UBE2L3: variants seen among roughly 807,000 people sequenced by gnomAD.
The protein encoded by UBE2L3 is ubiquitin-conjugating enzyme E2 L3.
UBE2L3 carries 1 observed loss-of-function variant against 17.8 expected under a neutral mutation model. The ratio of observed to expected loss-of-function variants is 0.06; its 90% CI spans 0.02 to 0.27. UBE2L3 has a LOEUF of 0.27. Among genes scored for constraint, UBE2L3 ranks in the 10% least tolerant of loss-of-function variants. The pLI is 1.00. For synonymous variants in UBE2L3, 44 were observed against 68.5 expected, an observed-to-expected ratio of 0.64 and a Z score of 1.76; for missense variants, 40 against 192.6, an observed-to-expected ratio of 0.21 and a Z score of 4.69.
chr22:21,563,700 C>T (rs910602646), upstream of UBE2L3, among the ~76,000 whole-genome samples: 13 of 151,144 alleles, frequency 8.6e-5, no homozygotes, highest in African/African-American at 2.9e-4. Context: ...CCTCAGCCTC[C>T]CAAGTAGCTG....
intron 3 of UBE2L3, 29 bp from the exon 4 acceptor site, chr22:21,621,486 C>T: frequency 6.3e-7 from 1 of 1,575,294 alleles, no homozygotes. Flanking sequence ...ACTGTGTTAA[C>T]CCCCCATGCC....
intron 1 of UBE2L3, among the ~76,000 whole-genome samples, chr22:21,555,981 AC>A (rs1459663396): frequency 2.6e-5 from 4 of 152,216 alleles, no homozygotes; most frequent in Non-Finnish European, 5.9e-5. Flanking sequence ...AAGCCTGTAT[AC>A]CCAGCCCTTT....
chr22:21,620,414 G>C (rs5754387), intron 3 of UBE2L3, among the ~76,000 whole-genome samples: 34,142 of 152,018 alleles, frequency 0.22, 4,766 homozygotes, highest in East Asian at 0.59. Flanking sequence ...CTGAGTGACA[G>C]CAAGACTGTC....
chr22:21,591,977 G>A (rs1198700279), intron 1 of UBE2L3, among the ~76,000 whole-genome samples: 3 of 152,176 alleles, frequency 2.0e-5, no homozygotes, highest in Non-Finnish European at 4.4e-5. Flanking sequence ...TATAGCGCCT[G>A]CCAGGCATTC....
intron 1 of UBE2L3, among the ~76,000 whole-genome samples, chr22:21,556,620 T>C (rs1926236496): frequency 7.1e-6 from 1 of 141,472 alleles, no homozygotes; most frequent in Non-Finnish European, 1.5e-5. Context: ...TTTTCTTTTT[T>C]TTTTTTGTAT....
intron 2 of UBE2L3, among the ~76,000 whole-genome samples, chr22:21,607,481 C>T (rs1929238376): frequency 6.8e-6 from 1 of 147,536 alleles, no homozygotes; most frequent in Non-Finnish European, 1.5e-5. Flanking sequence ...CGCCACTGCA[C>T]TCCAGCCTGG....
intron 2 of UBE2L3, among the ~76,000 whole-genome samples, chr22:21,606,291 T>TGCGC (rs755954743): frequency 4.3e-5 from 6 of 138,520 alleles, no homozygotes; most frequent in Admixed American, 1.5e-4. Context: ...TGCAGGAAAG[T>TGCGC]GTGCGCGCGC....
intron 2 of UBE2L3, among the ~76,000 whole-genome samples, chr22:21,598,390 A>AT (rs1269275146): frequency 5.4e-5 from 8 of 148,192 alleles, no homozygotes; most frequent in Admixed American, 1.3e-4. Context: ...TTGGTATGTC[A>AT]TTTTTTTTTC....
upstream of UBE2L3, among the ~76,000 whole-genome samples, chr22:21,562,748 A>C (rs1347563156): frequency 1.6e-5 from 2 of 124,108 alleles, no homozygotes; most frequent in East Asian, 2.4e-4. Flanking sequence ...CTCGTGATCC[A>C]CCTGCCTCGG....
chr22:21,601,523 C>T (rs1423367565), intron 2 of UBE2L3, among the ~76,000 whole-genome samples: 2 of 151,642 alleles, frequency 1.3e-5, no homozygotes, highest in Admixed American at 6.6e-5. Context: ...CCATGTTGGT[C>T]AGGCTGGTCT....
chr22:21,599,907 A>G (rs983371019), intron 2 of UBE2L3, among the ~76,000 whole-genome samples: 2 of 152,240 alleles, frequency 1.3e-5, no homozygotes, highest in Admixed American at 1.3e-4. Flanking sequence ...AAAAGGAAGG[A>G]ATGGTCTTTG....
Position 21,605,917 on chromosome 22 carries a change from C to T in UBE2L3, c.124-4940C>T, listed in dbSNP as rs576977573. Among the ~76,000 whole-genome samples, 14 of 151,966 alleles carry T rather than the reference C, an allele frequency of 9.2e-5. No homozygotes were observed. In the South Asian group the frequency reaches 2.7e-3, roughly 29 times the overall value. On this transcript the variant is annotated intron_variant, in intron 2 of 3. Coordinates refer to ENST00000342192, the MANE Select transcript of UBE2L3 (RefSeq NM_003347.4). Reference sequence around the variant, plus strand: ...CTCCTGGGCTCTTGTGATCCTCCTGCCTTAGCCTCCCAAAGTGTTGGGATT... The same window carrying T: ...CTCCTGGGCTCTTGTGATCCTCCTGTCTTAGCCTCCCAAAGTGTTGGGATT...
At chr22:21,573,167 A>G (rs1245602142) in intron 1 of UBE2L3, among the ~76,000 whole-genome samples, 1 of 152,150 alleles carries the variant, frequency 6.6e-6, no homozygotes, top group Non-Finnish European at 1.5e-5. Flanking sequence ...TGTGGTGTGC[A>G]GTAGAGAAGT....
chr22:21,611,633 C>G (rs924478581), intron 3 of UBE2L3, among the ~76,000 whole-genome samples: 5 of 152,258 alleles, frequency 3.3e-5, no homozygotes, highest in African/African-American at 1.2e-4. Context: ...GTGCACATGT[C>G]TGTGTGTGGC....
In UBE2L3 at chr22:21,600,698, A is replaced by G. The variant is rs562300109; in HGVS notation, c.123+7742A>G. On this transcript the variant is annotated intron_variant, in intron 2 of 3. Coordinates refer to ENST00000342192, the MANE Select transcript of UBE2L3 (RefSeq NM_003347.4). Reference sequence around the variant, plus strand: ...GCGACAGAGTGAGACTCCATCTCAAAAAAAAGGAAATATTTGTTGCCAAAG... The same window carrying G: ...GCGACAGAGTGAGACTCCATCTCAAGAAAAAGGAAATATTTGTTGCCAAAG... 2.6e-5 allele frequency among the ~76,000 whole-genome samples: 4 copies of G among 152,226 alleles called. No homozygotes were observed. In the South Asian group the frequency reaches 8.3e-4, roughly 32 times the overall value.
chr22:21,613,143 C>T (rs1011663629), intron 3 of UBE2L3, among the ~76,000 whole-genome samples: 4 of 152,184 alleles, frequency 2.6e-5, no homozygotes, highest in African/African-American at 9.7e-5. Flanking sequence ...AGGCTCCTCC[C>T]TTACCTGTAG....
chr22:21,561,265 G>A (rs1164433774), intron 1 of UBE2L3, among the ~76,000 whole-genome samples: 1 of 152,306 alleles, frequency 6.6e-6, no homozygotes, highest in Admixed American at 6.5e-5. Flanking sequence ...AGAGATGCTG[G>A]GTGCTGCCTT....
chr22:21,578,360 G>T (rs1360390545), intron 1 of UBE2L3, among the ~76,000 whole-genome samples: 1 of 132,296 alleles, frequency 7.6e-6, no homozygotes, highest in Non-Finnish European at 1.6e-5. Flanking sequence ...ACTCTGTCTC[G>T]AAAGAAAAAA....
intron 3 of UBE2L3, among the ~76,000 whole-genome samples, chr22:21,616,564 AT>A (rs1929785381): frequency 6.6e-6 from 1 of 151,748 alleles, no homozygotes; most frequent in Admixed American, 6.6e-5. Context: ...AGGCAGGAGA[AT>A]CACTTGAACC....
Sources: allele counts gnomAD v4.1 joint callset (sites outside exome capture counted in the v4.1 genomes callset), GRCh38; gene constraint gnomAD v4.1.1; transcripts MANE v1.5; gene names NCBI Gene and HGNC (gene_info 2026-07-23, HGNC 2026-07-21).